The following ZNF503 variants were observed in gnomAD, a reference collection of about 807,000 sequenced individuals.
ZNF503 encodes the protein zinc finger protein 503, also known as NocA-like zinc finger 2.
In ZNF503, 15 loss-of-function variants were observed where a neutral mutation model predicts 34.4. That is an observed-to-expected ratio of 0.44 (90% CI 0.29 to 0.67). ZNF503 has a LOEUF of 0.67. Among genes scored for constraint, ZNF503 ranks in the 30% least tolerant of loss-of-function variants. The pLI is 0.13. For missense variants in ZNF503, 1,007 were observed against 926.8 expected (o/e 1.09, Z -1.12); for synonymous variants, 580 against 456.8 (o/e 1.27, Z -3.44).
chr10:75,378,222 A>G, the ZNF503 span, among the ~76,000 whole-genome samples: 1 of 152,096 alleles, frequency 6.6e-6, no homozygotes, highest in Non-Finnish European at 1.5e-5. Context: ...GATCCAAACC[A>G]TATCAGACCC....
the ZNF503 span, among the ~76,000 whole-genome samples, chr10:75,344,090 C>G: frequency 6.6e-6 from 1 of 152,200 alleles, no homozygotes; most frequent in Non-Finnish European, 1.5e-5. Flanking sequence ...CTCAGCTTGG[C>G]AGAGCACCAT....
the ZNF503 span, among the ~76,000 whole-genome samples, chr10:75,300,192 A>G: frequency 6.6e-6 from 1 of 152,230 alleles, no homozygotes; most frequent in African/African-American, 2.4e-5. Flanking sequence ...AAAAGAATTC[A>G]GCGATATTTC....
Position 75,401,360 on chromosome 10 carries a change from G to GCCTCCGCCT in ZNF503, c.59_60insAGGCGGAGG (p.Gly25_Gly27dup). The GCCTCCGCCT allele has an allele frequency of 2.1e-6, 3 of 1,462,078 alleles. No homozygotes were observed. The highest frequency in any genetic ancestry group is 2.8e-6 in the Non-Finnish European group (3 of 1,079,548). The allele number at this position is 1,462,078 out of a possible 1,614,324, so 90.6% of individuals were successfully genotyped here. ...CTGCACCGCCGCCTCCGCCTCCGCCGCCGCCGCCGCCGCTGTGCTTACTGC... is the reference window on the plus strand; with the variant it reads ...CTGCACCGCCGCCTCCGCCTCCGCCGCCTCCGCCTCCGCCGCCGCCGCTGTGCTTACTGC... On this transcript the variant is annotated inframe_insertion, in exon 1 of 2. Transcript: ENST00000372524.
the ZNF503 span, among the ~76,000 whole-genome samples, chr10:75,322,247 C>T: frequency 1.3e-5 from 2 of 151,734 alleles, no homozygotes; most frequent in African/African-American, 4.8e-5. Flanking sequence ...CCTCATCCTC[C>T]TGAGTAGCTG....
Position 75,399,477 on chromosome 10 carries a change from T to A in ZNF503, c.1213A>T (p.Ser405Cys), listed in dbSNP as rs1459453931. ...AAAGGGCTGGAGCCGGCCGGCTTAC[T>A]GCAGCCCAGAGACCCGGCCGCGGCC... is the stretch of plus-strand genomic sequence containing the variant. Reference protein sequence around the residue: ...AAAAAGSLGCSKPAGSSPLAG... With the variant: ...AAAAAGSLGCCKPAGSSPLAG... The change falls in exon 2 of 2, where the codon AGT (serine) becomes TGT (cysteine). Residue 405 changes from serine (S) to cysteine (C), a missense_variant. Physicochemically the swap from Ser to Cys is moderately radical, Grantham distance 112. Transcript: ENST00000372524. The A allele has an allele frequency of 6.3e-7, 1 of 1,579,686 alleles. No homozygotes were observed. Among genetic ancestry groups the A allele is most frequent in the Admixed American group, 1.7e-5 (1 of 57,602 alleles).
chr10:75,297,485 T>C, the ZNF503 span, among the ~76,000 whole-genome samples: 4 of 152,244 alleles, frequency 2.6e-5, no homozygotes, highest in African/African-American at 9.6e-5. Flanking sequence ...GTGGATTTCA[T>C]TCATTTCAGT....
the ZNF503 span, among the ~76,000 whole-genome samples, chr10:75,325,374 A>G: frequency 6.6e-6 from 1 of 150,568 alleles, no homozygotes; most frequent in Non-Finnish European, 1.5e-5. Context: ...TGCCCATGCC[A>G]GAGTGTAGTA....
the ZNF503 span, chr10:75,295,513 C>G: frequency 6.6e-6 from 1 of 152,200 alleles, no homozygotes; most frequent in Non-Finnish European, 1.5e-5. The surrounding 1 kb of genome is among the most constrained non-coding windows in gnomAD (Gnocchi z 4.0). Context: ...ACATGAAAAA[C>G]AGCACATTTG....
At chr10:75,321,206 G>A in the ZNF503 span, among the ~76,000 whole-genome samples, 28 of 152,126 alleles carry the variant, frequency 1.8e-4, no homozygotes, top group Non-Finnish European at 3.8e-4. Context: ...TTAGTTTCCT[G>A]AGGCCTCCCC....
the ZNF503 span, among the ~76,000 whole-genome samples, chr10:75,307,942 T>C: frequency 7.9e-5 from 12 of 152,050 alleles, no homozygotes; most frequent in Admixed American, 7.2e-4. Flanking sequence ...GAGCCAGATA[T>C]GATGGCACAT....
chr10:75,335,363 C>T, the ZNF503 span, among the ~76,000 whole-genome samples: 1 of 152,172 alleles, frequency 6.6e-6, no homozygotes, highest in Non-Finnish European at 1.5e-5. Flanking sequence ...TAGGCCTCCA[C>T]TGGCTACTGG....
chr10:75,368,194 C>A, the ZNF503 span, among the ~76,000 whole-genome samples: 1 of 152,176 alleles, frequency 6.6e-6, no homozygotes, highest in Non-Finnish European at 1.5e-5. Flanking sequence ...AACCTCTCTG[C>A]ATCAACAATA....
At chr10:75,311,868 GCTGGGA>G in the ZNF503 span, among the ~76,000 whole-genome samples, 1 of 151,868 alleles carries the variant, frequency 6.6e-6, no homozygotes, top group African/African-American at 2.4e-5. Flanking sequence ...CTCCCAAGTA[GCTGGGA>G]CTACAGGCGT....
chr10:75,332,522 G>T, the ZNF503 span, among the ~76,000 whole-genome samples: 1 of 142,554 alleles, frequency 7.0e-6, no homozygotes, highest in Admixed American at 7.0e-5. Flanking sequence ...GTTTCTCACA[G>T]AGGGGGATTT....
At chr10:75,308,590 T>C in the ZNF503 span, among the ~76,000 whole-genome samples, 1 of 152,340 alleles carries the variant, frequency 6.6e-6, no homozygotes, top group African/African-American at 2.4e-5. Flanking sequence ...CTAGATGCCA[T>C]TAAGAGCATT....
the ZNF503 span, among the ~76,000 whole-genome samples, chr10:75,294,123 C>A: frequency 3.3e-5 from 5 of 152,194 alleles, no homozygotes; most frequent in Non-Finnish European, 7.3e-5. Flanking sequence ...AGGTTACCAG[C>A]GTCTCCTTTG....
At chr10:75,324,040 T>G in the ZNF503 span, among the ~76,000 whole-genome samples, 1 of 128,704 alleles carries the variant, frequency 7.8e-6, no homozygotes, top group Non-Finnish European at 1.6e-5. Flanking sequence ...TATTGTTGAA[T>G]TTTGAGCATT....
chr10:75,398,112 T>C lies in ZNF503; in HGVS notation c.*637A>G, dbSNP rs900349441. The C allele has an allele frequency of 6.6e-6, 1 of 152,412 alleles. No homozygotes were observed. Among genetic ancestry groups the C allele is most frequent in the African/African-American group, 2.4e-5 (1 of 41,284 alleles). 9.4% of individuals were successfully genotyped at this position (152,412 alleles called of 1,614,324 possible). A position where few individuals can be genotyped will look rare whatever the true frequency, so the allele number is the denominator to read the frequency against. On this transcript the variant is annotated 3_prime_UTR_variant, in exon 2 of 2. Coordinates refer to ENST00000372524, the MANE Select transcript of ZNF503 (RefSeq NM_032772.6). ...GTATACACCTTAAAAATAATTGCAA[T>C]TTGAAATCAGAGCTGACAAATTGTG...
chr10:75,284,352 C>T, the ZNF503 span, among the ~76,000 whole-genome samples: 2 of 149,456 alleles, frequency 1.3e-5, no homozygotes, highest in African/African-American at 5.0e-5. Flanking sequence ...GAGGAGAGGC[C>T]CAGAAGAGGG....
Sources: gnomAD v4.1 joint callset for allele counts (sites outside exome capture counted in the v4.1 genomes callset) on GRCh38, gnomAD v4.1.1 for gene constraint, Gnocchi (gnomAD v3.1) non-coding constraint, MANE v1.5 for transcripts, NCBI Gene and HGNC (gene_info 2026-07-23, HGNC 2026-07-21) for gene names.